The following C3orf52 variants were observed in gnomAD, a reference collection of about 807,000 sequenced individuals.
C3orf52 encodes chromosome 3 open reading frame 52.
C3orf52 carries 22 observed loss-of-function variants against 24.8 expected under a neutral mutation model. The observed-to-expected ratio is 0.89, with a 90% CI of 0.63 to 1.27. The LOEUF (loss-of-function observed/expected upper bound fraction) is 1.27. Among genes scored for constraint, C3orf52 ranks in the 50% most tolerant of loss-of-function variants. The pLI is 0.00. For missense variants in C3orf52, 265 were observed against 260.7 expected, an observed-to-expected ratio of 1.02 and a Z score of -0.11; for synonymous variants, 93 against 100.2, an observed-to-expected ratio of 0.93 and a Z score of 0.43.
downstream of C3orf52, chr3:112,133,772 G>A (rs1256410943): frequency 6.6e-6 from 1 of 152,212 alleles, no homozygotes; most frequent in Non-Finnish European, 1.5e-5. Flanking sequence ...CAAAGCAACT[G>A]GAAGTCTCAT....
At chr3:112,126,120 GT>G (rs1041784926) in intron 4 of C3orf52, among the ~76,000 whole-genome samples, 4 of 152,148 alleles carry the variant, frequency 2.6e-5, no homozygotes, top group Non-Finnish European at 5.9e-5. Context: ...TCAGCATAGA[GT>G]TTTAGCATCT....
At chr3:112,129,533 G>A (rs141360834), downstream of C3orf52, 7 of 152,232 alleles carry the variant, frequency 4.6e-5, no homozygotes, top group East Asian at 7.7e-4. Context: ...AGGAATTTGA[G>A]GTATCTGTCT....
At chr3:112,105,545 T>C (rs2074015705) in intron 3 of C3orf52, among the ~76,000 whole-genome samples, 1 of 125,936 alleles carries the variant, frequency 7.9e-6, no homozygotes, top group Non-Finnish European at 1.7e-5. Flanking sequence ...TGGCCGTGTG[T>C]GTGTGTGTGT....
At chr3:112,092,586 C>T (rs1296354341) in intron 1 of C3orf52, among the ~76,000 whole-genome samples, 1 of 152,166 alleles carries the variant, frequency 6.6e-6, no homozygotes, top group Non-Finnish European at 1.5e-5. Flanking sequence ...CTCTGAATTG[C>T]GTCTTTGAAA....
At chr3:112,104,179 G>A (rs553504156) in intron 3 of C3orf52, among the ~76,000 whole-genome samples, 16 of 152,278 alleles carry the variant, frequency 1.1e-4, no homozygotes, top group African/African-American at 3.9e-4. Flanking sequence ...GAGTGATTGG[G>A]CAGATGGATG....
intron 3 of C3orf52, among the ~76,000 whole-genome samples, chr3:112,107,950 GT>G (rs1304671520): frequency 2.0e-5 from 3 of 152,198 alleles, no homozygotes; most frequent in African/African-American, 7.2e-5. Flanking sequence ...GGGCACTGCT[GT>G]TTTTTGTATG....
intron 2 of C3orf52, among the ~76,000 whole-genome samples, chr3:112,093,997 ATTTATT>A (rs2073903355): frequency 6.6e-6 from 1 of 150,376 alleles, no homozygotes; most frequent in Admixed American, 6.6e-5. Flanking sequence ...TATTGTATTT[ATTTATT>A]TTTTTTTTTG....
chr3:112,123,817 A>G (rs749974114), intron 4 of C3orf52: 4 of 1,576,140 alleles, frequency 2.5e-6, no homozygotes, highest in Admixed American at 1.8e-5. Context: ...GTCTCTTGCC[A>G]TGACCTTTAC....
intron 3 of C3orf52, 36 bp from the exon 4 acceptor site, chr3:112,109,507 T>A: frequency 7.3e-7 from 1 of 1,361,996 alleles, no homozygotes; most frequent in Non-Finnish European, 1.0e-6. Context: ...GATCTGTCGG[T>A]AATGTGTGTG....
downstream of C3orf52, chr3:112,121,544 T>C (rs1413169589): frequency 6.6e-6 from 1 of 151,782 alleles, no homozygotes; most frequent in African/African-American, 2.4e-5. Context: ...GAGTGACTGA[T>C]GATCTGTCGC....
At chr3:112,136,315 A>G in the C3orf52 span, among the ~76,000 whole-genome samples, 1 of 152,164 alleles carries the variant, frequency 6.6e-6, no homozygotes, top group East Asian at 1.9e-4. Context: ...TCTTTAGGGG[A>G]TTGCCTGTGG....
At chr3:112,123,886 T>G in intron 4 of C3orf52, 2 of 1,111,378 alleles carry the variant, frequency 1.8e-6, no homozygotes, top group Non-Finnish European at 2.6e-6. Context: ...GACCACCTCC[T>G]CCCCATCTCT....
chr3:112,123,323 C>T, intron 4 of C3orf52: 1 of 1,478,140 alleles, frequency 6.8e-7, no homozygotes, highest in South Asian at 1.4e-5. Flanking sequence ...GTATACAAAC[C>T]ATGCTCTGCA....
At chr3:112,106,404 A>G (rs9817073) in intron 3 of C3orf52, among the ~76,000 whole-genome samples, 1,834 of 152,180 alleles carry the variant, frequency 0.012, 36 homozygotes, top group African/African-American at 0.041. Context: ...CACTGGCTGA[A>G]AGTTCCAAGC....
chr3:112,096,701 G>A lies in C3orf52; in HGVS notation c.268+3212G>A, dbSNP rs148934565. On this transcript the variant is annotated intron_variant, in intron 2 of 5. Coordinates refer to ENST00000264848, the MANE Select transcript of C3orf52 (RefSeq NM_024616.3). ...GGGGAGGGGACACCTGGGTACCCAG[G>A]GCAGGGTGTCCAGTGGGGAGTTATA... is the stretch of plus-strand genomic sequence containing the variant. Among the ~76,000 whole-genome samples, 248 of 152,256 alleles carry A rather than the reference G, an allele frequency of 1.6e-3. 1 individual carries two copies. Among genetic ancestry groups the A allele is most frequent in the African/African-American group, 5.3e-3 (221 of 41,532 alleles).
At chr3:112,119,967 C>A (rs939761408), downstream of C3orf52, among the ~76,000 whole-genome samples, 2 of 152,168 alleles carry the variant, frequency 1.3e-5, no homozygotes, top group African/African-American at 4.8e-5. Flanking sequence ...GGTAGGATCC[C>A]CAGAGGCAGG....
At chr3:112,114,494 A>T (rs2074116188) in intron 5 of C3orf52, among the ~76,000 whole-genome samples, 1 of 151,798 alleles carries the variant, frequency 6.6e-6, no homozygotes, top group Admixed American at 6.6e-5. Context: ...ACCTGAGGTC[A>T]GGAGTTCGAG....
chr3:112,097,349 T>C (rs1396871702), intron 2 of C3orf52, among the ~76,000 whole-genome samples: 1 of 152,176 alleles, frequency 6.6e-6, no homozygotes, highest in East Asian at 1.9e-4. Context: ...CTTAGAAACA[T>C]GATTTAAATT....
chr3:112,104,636 T>G (rs2074007532), intron 3 of C3orf52, among the ~76,000 whole-genome samples: 1 of 152,140 alleles, frequency 6.6e-6, no homozygotes, highest in South Asian at 2.1e-4. Flanking sequence ...ATTTATTTAT[T>G]TATTTTTATT....
Sources: allele counts gnomAD v4.1 joint callset (sites outside exome capture counted in the v4.1 genomes callset), GRCh38; gene constraint gnomAD v4.1.1; transcripts MANE v1.5; gene names NCBI Gene and HGNC (gene_info 2026-07-23, HGNC 2026-07-21).